The following SYT14 variants were observed in gnomAD, a reference collection of about 807,000 sequenced individuals.
SYT14 encodes the protein synaptotagmin 14.
In SYT14, 32 loss-of-function variants were observed where a neutral mutation model predicts 74.2. The ratio of observed to expected loss-of-function variants is 0.43; its 90% confidence interval spans 0.33 to 0.58. The LOEUF is 0.58. Ranked by LOEUF, SYT14 falls within the 20% of genes least tolerant of loss-of-function variation. The pLI, the probability that SYT14 is intolerant of heterozygous loss-of-function variation, is 0.05. For synonymous variants in SYT14, 298 were observed against 337.7 expected (o/e 0.88, Z 1.29); for missense variants, 791 against 981.8 (o/e 0.81, Z 2.60).
chr1:210,114,521 T>C (rs2082321835), intron 7 of SYT14, among the ~76,000 whole-genome samples: 2 of 151,300 alleles, frequency 1.3e-5, no homozygotes, highest in Admixed American at 6.6e-5. Flanking sequence ...ATAAAATGCA[T>C]ATTGAGAATA....
At chr1:209,953,333 A>T in intron 2 of SYT14, 2 of 1,009,750 alleles carry the variant, frequency 2.0e-6, no homozygotes, top group South Asian at 2.7e-5. Flanking sequence ...GAACCTTGGG[A>T]GTCCCCACAA....
At chr1:209,995,804 A>G (rs921661952) in intron 2 of SYT14, among the ~76,000 whole-genome samples, 4 of 152,166 alleles carry the variant, frequency 2.6e-5, no homozygotes, top group African/African-American at 9.6e-5. Flanking sequence ...ACAATACAGT[A>G]AAAATAGAAA....
At chr1:210,155,990 A>G (rs774183705) in intron 8 of SYT14, 80 bp downstream of exon 7, 1 of 1,245,958 alleles carries the variant, frequency 8.0e-7, no homozygotes, top group Non-Finnish European at 1.2e-6. Context: ...CAATCCTATC[A>G]TTTAGTCTTA....
At chr1:209,954,684 C>T (rs1282182785) in intron 2 of SYT14, among the ~76,000 whole-genome samples, 1 of 151,650 alleles carries the variant, frequency 6.6e-6, no homozygotes, top group East Asian at 1.9e-4. Context: ...TCTCTGACAT[C>T]ACAACCTCCT....
intron 7 of SYT14, among the ~76,000 whole-genome samples, chr1:210,110,095 C>T (rs953568481): frequency 1.3e-5 from 2 of 152,058 alleles, no homozygotes; most frequent in African/African-American, 4.8e-5. Flanking sequence ...GGGAGGGGAA[C>T]ATCACACACC....
chr1:210,092,037 C>A (rs1189301423), intron 5 of SYT14, among the ~76,000 whole-genome samples: 1 of 152,114 alleles, frequency 6.6e-6, no homozygotes, highest in Non-Finnish European at 1.5e-5. Flanking sequence ...TTAGGTATTA[C>A]CGTTTAATTC....
At chr1:210,059,451 T>TATATATATATATATATATATAG (rs377050610) in intron 5 of SYT14, among the ~76,000 whole-genome samples, 7 of 69,888 alleles carry the variant, frequency 1.0e-4, no homozygotes, top group Non-Finnish European at 1.7e-4. Flanking sequence ...TATATATATA[T>TATATATATATATATATATATAG]AGAGAGAGAG....
Position 210,094,225 on chromosome 1 carries a change from T to C in SYT14, c.1313-97T>C. On this transcript the variant is annotated intron_variant, in intron 5 of 9. Coordinates refer to ENST00000637265, the Ensembl canonical transcript of SYT14. ...CTAATAGTTATGTTGCCATCAATTT[T>C]TTGATCCAGTTTTCAAAAGTTATTT... 2.6e-6 allele frequency: 4 copies of C among 1,525,092 alleles called. No homozygotes were observed. In the South Asian group the frequency reaches 4.6e-5, roughly 18 times the overall value. The allele number at this position is 1,525,092 out of a possible 1,614,324, so 94.5% of individuals were successfully genotyped here. A position where few individuals can be genotyped will look rare whatever the true frequency, so the allele number is the denominator to read the frequency against.
intron 2 of SYT14, among the ~76,000 whole-genome samples, chr1:209,957,212 A>G (rs550134364): frequency 1.3e-5 from 2 of 151,950 alleles, no homozygotes; most frequent in African/African-American, 4.8e-5. Context: ...TTCTAACTTT[A>G]GCCCCCATTG....
At chr1:210,022,442 T>G (rs1345272196) in intron 5 of SYT14, among the ~76,000 whole-genome samples, 1 of 152,200 alleles carries the variant, frequency 6.6e-6, no homozygotes, top group African/African-American at 2.4e-5. Context: ...ATGTGCTTAC[T>G]AAGTTAATTA....
chr1:209,980,638 A>G (rs2079466516), intron 2 of SYT14, among the ~76,000 whole-genome samples: 3 of 152,136 alleles, frequency 2.0e-5, no homozygotes, highest in Non-Finnish European at 4.4e-5. Context: ...GGTGTAAGGA[A>G]GGGGTCTAGT....
intron 6 of SYT14, among the ~76,000 whole-genome samples, chr1:210,096,422 A>T (rs148830284): frequency 6.6e-6 from 1 of 152,292 alleles, no homozygotes; most frequent in East Asian, 1.9e-4. Context: ...TCCATTTCAC[A>T]TACAAAGCAA....
exon 4 of SYT14, chr1:210,015,821 C>A: frequency 1.2e-5 from 13 of 1,106,850 alleles, no homozygotes; most frequent in Non-Finnish European, 1.2e-5. Context: ...ATCTTTACTT[C>A]AACATATTTC....
At chr1:209,977,611 C>T (rs572083903) in intron 2 of SYT14, among the ~76,000 whole-genome samples, 13 of 152,238 alleles carry the variant, frequency 8.5e-5, no homozygotes, top group Admixed American at 3.3e-4. Context: ...GTGGGTAACC[C>T]GACCTTTCTC....
intron 1 of SYT14, among the ~76,000 whole-genome samples, 193 bp downstream of exon 1, chr1:209,938,470 G>A (rs1300397570): frequency 6.6e-6 from 1 of 151,830 alleles, no homozygotes; most frequent in African/African-American, 2.4e-5. Context: ...CGCCGGGCCC[G>A]ACTGGCTCGC....
At chr1:210,018,812 C>T (rs563347942) in intron 4 of SYT14, among the ~76,000 whole-genome samples, 14 of 152,076 alleles carry the variant, frequency 9.2e-5, no homozygotes, top group Non-Finnish European at 1.2e-4. Context: ...TACCTGTGTT[C>T]CAGGTTCTGA....
At chr1:210,151,829 A>G (rs1171356699) in intron 7 of SYT14, among the ~76,000 whole-genome samples, 1 of 152,186 alleles carries the variant, frequency 6.6e-6, no homozygotes, top group Non-Finnish European at 1.5e-5. Flanking sequence ...TTTTCACAGC[A>G]GTGAAGTGGG....
intron 7 of SYT14, among the ~76,000 whole-genome samples, chr1:210,112,793 A>G (rs543823224): frequency 2.6e-5 from 4 of 151,478 alleles, no homozygotes; most frequent in East Asian, 1.9e-4. Flanking sequence ...CTTTTTGCCT[A>G]TATAACAGCA....
At chr1:209,959,677 A>G (rs562911012) in intron 2 of SYT14, among the ~76,000 whole-genome samples, 5 of 152,320 alleles carry the variant, frequency 3.3e-5, no homozygotes, top group East Asian at 3.9e-4. Context: ...AAAAGGCCAC[A>G]TATCATGTAT....
Sources: gnomAD v4.1 joint callset for allele counts (sites outside exome capture counted in the v4.1 genomes callset) on GRCh38, gnomAD v4.1.1 for gene constraint, MANE v1.5 for transcripts, NCBI Gene and HGNC (gene_info 2026-07-23, HGNC 2026-07-21) for gene names.